CDK6: variants seen among roughly 807,000 people sequenced by gnomAD.
CDK6 encodes the protein cyclin dependent kinase 6.
CDK6 carries 6 observed loss-of-function variants against 37.1 expected under a neutral mutation model. That is an observed-to-expected ratio of 0.16 (90% CI 0.09 to 0.32). CDK6 has a LOEUF of 0.32. Ranked by LOEUF, CDK6 falls within the 10% of genes least tolerant of loss-of-function variation. The pLI is 1.00. For missense variants in CDK6, 224 were observed against 418.9 expected, an observed-to-expected ratio of 0.53 and a Z score of 4.06; for synonymous variants, 160 against 161.3, an observed-to-expected ratio of 0.99 and a Z score of 0.06.
At chr7:92,746,878 C>T (rs1158704700) in intron 3 of CDK6, among the ~76,000 whole-genome samples, 2 of 151,978 alleles carry the variant, frequency 1.3e-5, no homozygotes, top group African/African-American at 4.8e-5. Context: ...AGTTATTTTT[C>T]TATATGCTCA....
rs1381097245 is a variant in CDK6, at chr7:92,672,599, TA to T, written c.538-1065del. On this transcript the variant is annotated intron_variant, in intron 4 of 7. Transcript: ENST00000424848. ...TGTTAAGGCTGCAGATTTGAGTACATAGGGGGGGTTCAAGTGATTCCTTTTG... is the reference window on the plus strand; with the variant it reads ...TGTTAAGGCTGCAGATTTGAGTACATGGGGGGGTTCAAGTGATTCCTTTTG... 1.0e-4 allele frequency among the ~76,000 whole-genome samples: 14 copies of T among 138,734 alleles called. No individual in the cohort carries two copies. In the East Asian group the frequency reaches 1.2e-3, roughly 12 times the overall value. The allele number at this position is 138,734 out of a possible 152,430, so 91.0% of individuals were successfully genotyped here. A position where few individuals can be genotyped will look rare whatever the true frequency, so the allele number is the denominator to read the frequency against.
chr7:92,686,316 T>C (rs887246940), intron 4 of CDK6, among the ~76,000 whole-genome samples: 1 of 152,130 alleles, frequency 6.6e-6, no homozygotes, highest in Admixed American at 6.6e-5. Flanking sequence ...CAAAGTCCAC[T>C]GTATCATTCT....
At chr7:92,789,309 T>C (rs1800223426) in intron 2 of CDK6, among the ~76,000 whole-genome samples, 1 of 152,146 alleles carries the variant, frequency 6.6e-6, no homozygotes, top group Non-Finnish European at 1.5e-5. Context: ...TCCTTCAGGC[T>C]GAAATAAAAG....
intron 2 of CDK6, among the ~76,000 whole-genome samples, chr7:92,775,912 G>A (rs996056054): frequency 1.3e-5 from 2 of 151,892 alleles, no homozygotes; most frequent in South Asian, 2.1e-4. Flanking sequence ...TATTACCTCC[G>A]TTAATTTTTT....
chr7:92,629,609 T>C (rs927133245), intron 5 of CDK6, among the ~76,000 whole-genome samples: 1 of 152,148 alleles, frequency 6.6e-6, no homozygotes, highest in Non-Finnish European at 1.5e-5. Context: ...GAAAAAGTCA[T>C]TTCTAATCAC....
At chr7:92,672,335 T>TGGGGAATCA (rs1354700658) in intron 4 of CDK6, among the ~76,000 whole-genome samples, 1 of 150,580 alleles carries the variant, frequency 6.6e-6, no homozygotes, top group East Asian at 2.0e-4. Flanking sequence ...CGTGACAGCT[T>TGGGGAATCA]GGGGAATCAA....
At chr7:92,728,027 G>T (rs986370941) in intron 3 of CDK6, among the ~76,000 whole-genome samples, 5 of 152,270 alleles carry the variant, frequency 3.3e-5, no homozygotes, top group Non-Finnish European at 7.4e-5. Flanking sequence ...ACAGTATAAA[G>T]AATAAATCTG....
At chr7:92,832,183 A>T (rs1054302235) in intron 2 of CDK6, among the ~76,000 whole-genome samples, 4 of 152,240 alleles carry the variant, frequency 2.6e-5, no homozygotes, top group Admixed American at 6.5e-5. Flanking sequence ...ACAACCAAAC[A>T]ATGTCAACCA....
intron 5 of CDK6, among the ~76,000 whole-genome samples, chr7:92,655,888 C>T (rs1306830391): frequency 6.6e-6 from 1 of 152,236 alleles, no homozygotes. Context: ...TTTGCACATA[C>T]ACACACGCTC....
At chr7:92,787,114 G>A (rs1371935255) in intron 2 of CDK6, among the ~76,000 whole-genome samples, 2 of 150,906 alleles carry the variant, frequency 1.3e-5, no homozygotes, top group African/African-American at 2.4e-5. Flanking sequence ...CCTGGGAGGC[G>A]GAGGTTGCCG....
intron 1 of CDK6, among the ~76,000 whole-genome samples, chr7:92,836,152 T>C (rs1027197009): frequency 6.6e-6 from 1 of 152,010 alleles, no homozygotes; most frequent in Admixed American, 6.5e-5. Context: ...AGAAACTGTA[T>C]GAGGCGTGTT....
At chr7:92,754,266 T>C (rs1389975216) in intron 3 of CDK6, among the ~76,000 whole-genome samples, 1 of 152,196 alleles carries the variant, frequency 6.6e-6, no homozygotes, top group Non-Finnish European at 1.5e-5. Flanking sequence ...CTGCACTGCA[T>C]TGTCTTTGGT....
At chr7:92,678,717 A>G (rs939207724) in intron 4 of CDK6, among the ~76,000 whole-genome samples, 1 of 152,198 alleles carries the variant, frequency 6.6e-6, no homozygotes, top group African/African-American at 2.4e-5. Flanking sequence ...CATGGTATGA[A>G]CACTGTGCTG....
At chr7:92,824,864 TG>T (rs1801271036) in intron 2 of CDK6, among the ~76,000 whole-genome samples, 1 of 152,220 alleles carries the variant, frequency 6.6e-6, no homozygotes, top group Admixed American at 6.5e-5. Context: ...ATTTTTATTG[TG>T]GGGATATGGC....
chr7:92,677,957 G>C (rs1797244959), intron 4 of CDK6, among the ~76,000 whole-genome samples: 1 of 152,172 alleles, frequency 6.6e-6, no homozygotes, highest in Admixed American at 6.5e-5. Context: ...TTATACTTCT[G>C]TGCCTCTAAA....
rs367843646 is a variant in CDK6, at chr7:92,764,295, C to T, written c.369+10401G>A. ...CTGGGACTATAGGTATGCACCACAACACCTGGCTAATTTTTGTATTTTTTG... is the reference window on the plus strand; with the variant it reads ...CTGGGACTATAGGTATGCACCACAATACCTGGCTAATTTTTGTATTTTTTG... On this transcript the variant is annotated intron_variant, in intron 3 of 7. Transcript: ENST00000424848. 1.7e-4 allele frequency among the ~76,000 whole-genome samples: 26 copies of T among 152,220 alleles called. 1 individual carries two copies. Among genetic ancestry groups the T allele is most frequent in the African/African-American group, 6.0e-4 (25 of 41,552 alleles).
chr7:92,752,282 C>T (rs1416764388), intron 3 of CDK6, among the ~76,000 whole-genome samples: 1 of 152,188 alleles, frequency 6.6e-6, no homozygotes, highest in Non-Finnish European at 1.5e-5. Flanking sequence ...CTTAAACTTG[C>T]AGACTAGACA....
intron 2 of CDK6, among the ~76,000 whole-genome samples, chr7:92,831,032 G>A (rs765194870): frequency 3.3e-5 from 5 of 152,136 alleles, no homozygotes; most frequent in Non-Finnish European, 5.9e-5. Flanking sequence ...TTTCACATAC[G>A]CCATCTCATT....
chr7:92,800,435 A>C (rs1277259946), intron 2 of CDK6, among the ~76,000 whole-genome samples: 1 of 152,128 alleles, frequency 6.6e-6, no homozygotes, highest in Non-Finnish European at 1.5e-5. Context: ...CTGCAAATTA[A>C]ACTTAATTTT....
Sources: allele counts gnomAD v4.1 joint callset (sites outside exome capture counted in the v4.1 genomes callset), GRCh38; gene constraint gnomAD v4.1.1; transcripts MANE v1.5; gene names NCBI Gene and HGNC (gene_info 2026-07-23, HGNC 2026-07-21).